KLHL13: variants seen among roughly 807,000 people sequenced by gnomAD.
KLHL13 encodes kelch-like protein 13.
Under a neutral mutation model 37.1 loss-of-function variants are expected in KLHL13, and 10 were observed. That is an observed-to-expected ratio of 0.27 (90% CI 0.17 to 0.46). The LOEUF is 0.46. Ranked by LOEUF, KLHL13 falls within the 20% of genes least tolerant of loss-of-function variation. KLHL13 has a pLI of 1.00. For missense variants in KLHL13, 360 were observed against 509.3 expected (o/e 0.71, Z 2.82); for synonymous variants, 163 against 181.2 (o/e 0.90, Z 0.81).
intron 2 of KLHL13, among the ~76,000 whole-genome samples, chrX:117,932,987 T>C (rs1434090628): frequency 8.9e-6 from 1 of 112,091 alleles, no homozygotes; most frequent in Non-Finnish European, 1.9e-5. Context: ...ATTTTCCATA[T>C]ATCTGTTGGC....
chrX:118,057,803 G>A (rs1439701781), intron 1 of KLHL13, among the ~76,000 whole-genome samples: 2 of 109,691 alleles, frequency 1.8e-5, no homozygotes, highest in Non-Finnish European at 3.8e-5. Flanking sequence ...TCCAGTCTGG[G>A]CAACAGAGCG....
At chrX:117,964,633 A>T (rs901043516) in intron 1 of KLHL13, among the ~76,000 whole-genome samples, 1 of 111,714 alleles carries the variant, frequency 9.0e-6, no homozygotes, top group Non-Finnish European at 1.9e-5. Context: ...CATGTGCACA[A>T]CGTGCAGCTT....
At chrX:117,975,537 C>T (rs1408427610), upstream of KLHL13, among the ~76,000 whole-genome samples, 1 of 111,580 alleles carries the variant, frequency 9.0e-6, no homozygotes, top group Non-Finnish European at 1.9e-5. Context: ...ATTACATGCA[C>T]CTGCCACCAT....
In KLHL13 at chrX:118,100,715, G is replaced by C. The variant is rs141905190; in HGVS notation, c.-56+15793C>G. ...CTCCATTTTCTGGCCCAATTTTTCT[G>C]TATTCTCTCTTACTACTAAATATCA... is the stretch of plus-strand genomic sequence containing the variant. On this transcript the variant is annotated intron_variant, in intron 1 of 6. Coordinates refer to the KLHL13 transcript ENST00000371882. Among the ~76,000 whole-genome samples, 1,021 of 111,140 alleles carry C rather than the reference G, an allele frequency of 9.2e-3. 13 individuals carry two copies. The highest frequency in any genetic ancestry group is 0.031 in the African/African-American group (962 of 30,545).
At chrX:117,910,435 T>C (rs904260533) in intron 4 of KLHL13, among the ~76,000 whole-genome samples, 5 of 57,758 alleles carry the variant, frequency 8.7e-5, no homozygotes, top group African/African-American at 3.7e-4. Flanking sequence ...ACTGATAAAA[T>C]TCCTGCCAGA....
intron 1 of KLHL13, among the ~76,000 whole-genome samples, chrX:118,064,692 C>A (rs2054777757): frequency 9.0e-6 from 1 of 111,652 alleles, no homozygotes; most frequent in Non-Finnish European, 1.9e-5. Flanking sequence ...AATAAATATA[C>A]TTTCATACCC....
At chrX:117,928,206 G>A (rs904577773) in intron 2 of KLHL13, among the ~76,000 whole-genome samples, 22 of 111,504 alleles carry the variant, frequency 2.0e-4, no homozygotes, top group African/African-American at 6.8e-4. Flanking sequence ...AGCAAACTGA[G>A]AGAACTACAA....
At chrX:117,903,667 C>T (rs1930305202) in intron 5 of KLHL13, among the ~76,000 whole-genome samples, 1 of 110,815 alleles carries the variant, frequency 9.0e-6, no homozygotes, top group Admixed American at 9.6e-5. Flanking sequence ...AAGAGAAAAC[C>T]TAGTGCATTG....
chrX:118,116,977 G>T (rs1179215762), upstream of KLHL13: 3 of 112,006 alleles, frequency 2.7e-5, 1 homozygote, highest in Admixed American at 2.8e-4. Context: ...TGTGGGGTCC[G>T]AACGGAACTC....
chrX:118,045,129 T>C (rs1001662311), intron 1 of KLHL13, among the ~76,000 whole-genome samples: 2 of 110,913 alleles, frequency 1.8e-5, no homozygotes, highest in African/African-American at 6.6e-5. Flanking sequence ...ATCCCAGCAC[T>C]TTGAGAGGCC....
intron 1 of KLHL13, among the ~76,000 whole-genome samples, chrX:118,082,187 C>T (rs2055002944): frequency 9.0e-6 from 1 of 110,737 alleles, no homozygotes; most frequent in African/African-American, 3.3e-5. Flanking sequence ...GGAACCTTCA[C>T]ACTATTTTCC....
At chrX:118,025,229 T>C (rs986815929) in intron 1 of KLHL13, among the ~76,000 whole-genome samples, 1 of 111,793 alleles carries the variant, frequency 8.9e-6, no homozygotes, top group Admixed American at 9.6e-5. Context: ...GATAGTACAG[T>C]AGTCCCTGCT....
intron 2 of KLHL13, among the ~76,000 whole-genome samples, chrX:117,920,740 G>A (rs1364889047): frequency 2.7e-5 from 3 of 111,530 alleles, no homozygotes; most frequent in African/African-American, 3.3e-5. Flanking sequence ...TCCTTTTCGC[G>A]ATAATTTAAT....
At chrX:117,983,741 A>G (rs1318403712) in intron 1 of KLHL13, among the ~76,000 whole-genome samples, 1 of 112,014 alleles carries the variant, frequency 8.9e-6, no homozygotes, top group Non-Finnish European at 1.9e-5. Flanking sequence ...CTAGAAAGCC[A>G]TAAGATCCTA....
rs6645449 is a variant in KLHL13, at chrX:118,108,200, G to A, written c.-56+8308C>T. ...AGCAAAACTCTTATCTCCTTTTACT[G>A]AATAGACTGTAAAAGCACTTCACCT... On this transcript the variant is annotated intron_variant, in intron 1 of 6. Transcript: ENST00000371882. 8.0e-3 allele frequency among the ~76,000 whole-genome samples: 901 copies of A among 111,995 alleles called. 10 individuals carry two copies. The highest frequency in any genetic ancestry group is 0.026 in the African/African-American group (791 of 30,833).
intron 1 of KLHL13, among the ~76,000 whole-genome samples, chrX:118,100,300 C>G (rs900968151): frequency 9.0e-6 from 1 of 111,569 alleles, no homozygotes. Context: ...GCTGCTACCA[C>G]GTTCTCAGTT....
chrX:118,018,859 G>C (rs2054160322), intron 1 of KLHL13, among the ~76,000 whole-genome samples: 1 of 111,110 alleles, frequency 9.0e-6, no homozygotes, highest in Admixed American at 9.6e-5. Flanking sequence ...TAACTCATTA[G>C]TTCTAGCACT....
At chrX:117,921,478 T>C (rs1260241105) in intron 2 of KLHL13, among the ~76,000 whole-genome samples, 1 of 111,728 alleles carries the variant, frequency 9.0e-6, no homozygotes, top group African/African-American at 3.2e-5. Context: ...ATACAAAAAA[T>C]GAACATTTTG....
At position 118,058,479 on chromosome X, in the gene KLHL13, G is replaced by C. The variant is rs1246553538; in HGVS notation, c.-56+58029C>G. ...TTCTCCACTCTTAAATCCATGGCTA[G>C]CGTCTTGATCTTTCAAAACAATTAT... On this transcript the variant is annotated intron_variant, in intron 1 of 6. Transcript: ENST00000371882. Among the ~76,000 whole-genome samples, 8 of 111,433 alleles carry C rather than the reference G, an allele frequency of 7.2e-5. No individual in the cohort carries two copies. In the Admixed American group the frequency reaches 7.7e-4, roughly 11 times the overall value.
Sources: allele counts gnomAD v4.1 joint callset (sites outside exome capture counted in the v4.1 genomes callset), GRCh38; gene constraint gnomAD v4.1.1; transcripts MANE v1.5; gene names NCBI Gene and HGNC (gene_info 2026-07-23, HGNC 2026-07-21).